The following CALN1 variants were observed in gnomAD, a reference collection of about 807,000 sequenced individuals.
CALN1 encodes the protein calcium-binding protein 8.
In CALN1, 17 loss-of-function variants were observed where a neutral mutation model predicts 30.6. The ratio of observed to expected loss-of-function variants is 0.56; its 90% CI spans 0.38 to 0.83. CALN1 has a LOEUF of 0.83. CALN1 is among the 40% of genes least tolerant of loss of function. The pLI is 0.00. For missense variants in CALN1, 291 were observed against 354.9 expected, an observed-to-expected ratio of 0.82 and a Z score of 1.45; for synonymous variants, 156 against 131.4, an observed-to-expected ratio of 1.19 and a Z score of -1.28.
chr7:72,417,765 G>A (rs1292085749), intron 1 of CALN1, among the ~76,000 whole-genome samples: 1 of 152,108 alleles, frequency 6.6e-6, no homozygotes, highest in African/African-American at 2.4e-5. Context: ...ATGGTTGTGG[G>A]AGCCTCATCA....
intron 2 of CALN1, among the ~76,000 whole-genome samples, chr7:72,401,809 C>G (rs535482142): frequency 1.3e-5 from 2 of 152,230 alleles, no homozygotes; most frequent in Admixed American, 1.3e-4. Context: ...GCAAATATCC[C>G]TTTCCTCCGT....
chr7:72,427,693 A>G (rs1807840963), intron 1 of CALN1, among the ~76,000 whole-genome samples: 1 of 151,128 alleles, frequency 6.6e-6, no homozygotes, highest in South Asian at 2.1e-4. Context: ...TTGTAGAGAC[A>G]GAGTCTTGAA....
chr7:71,944,361 G>A (rs1308542653), intron 5 of CALN1, among the ~76,000 whole-genome samples: 1 of 152,090 alleles, frequency 6.6e-6, no homozygotes, highest in African/African-American at 2.4e-5. Context: ...TTGGGAGGCT[G>A]AGGTGGGTGG....
intron 5 of CALN1, among the ~76,000 whole-genome samples, chr7:71,833,710 C>T (rs1789427939): frequency 6.6e-6 from 1 of 152,074 alleles, no homozygotes; most frequent in African/African-American, 2.4e-5. Context: ...TGGGACCAGA[C>T]TGGGTACCAT....
At chr7:71,801,089 T>C (rs1020375294) in intron 6 of CALN1, among the ~76,000 whole-genome samples, 7 of 152,178 alleles carry the variant, frequency 4.6e-5, no homozygotes, top group Non-Finnish European at 1.0e-4. Flanking sequence ...CTGTGTTAGT[T>C]TGCTGAGGAT....
Position 72,219,612 on chromosome 7 carries a change from T to C in CALN1, c.244+59074A>G, listed in dbSNP as rs17502912. Among the ~76,000 whole-genome samples the C allele has an allele frequency of 8.7e-3, 1,328 of 152,032 alleles. 8 individuals are homozygous for C. The highest frequency in any genetic ancestry group is 0.017 in the Middle Eastern group (5 of 294). ...TAGTACTCCTTGATACAATTTCCCA[T>C]TAAAATCCATGAAGATACACATGCG... On this transcript the variant is annotated intron_variant, in intron 3 of 6. Coordinates refer to ENST00000395275, the MANE Select transcript of CALN1 (RefSeq NM_031468.4).
chr7:71,823,184 CTCTT>C (rs980791146), intron 5 of CALN1, among the ~76,000 whole-genome samples: 2 of 145,028 alleles, frequency 1.4e-5, no homozygotes, highest in African/African-American at 2.6e-5. Context: ...CCGTCTCTCT[CTCTT>C]TTTTTTTTTT....
intron 1 of CALN1, among the ~76,000 whole-genome samples, chr7:72,405,652 G>A (rs1806644846): frequency 6.6e-6 from 1 of 151,986 alleles, no homozygotes; most frequent in African/African-American, 2.4e-5. Flanking sequence ...GAAACTCTTG[G>A]AGACTTCTCT....
chr7:72,366,031 T>C (rs1162506379), intron 2 of CALN1, among the ~76,000 whole-genome samples: 1 of 152,124 alleles, frequency 6.6e-6, no homozygotes, highest in Non-Finnish European at 1.5e-5. Flanking sequence ...AAGACATGTT[T>C]ATAAGGATGT....
intron 5 of CALN1, among the ~76,000 whole-genome samples, chr7:71,975,623 A>G (rs1337783426): frequency 6.6e-6 from 1 of 151,532 alleles, no homozygotes; most frequent in African/African-American, 2.4e-5. Flanking sequence ...TAGAGATAGG[A>G]TCTTGCTTTG....
intron 5 of CALN1, among the ~76,000 whole-genome samples, chr7:71,853,378 C>T (rs1790759533): frequency 6.6e-6 from 1 of 151,812 alleles, no homozygotes; most frequent in African/African-American, 2.4e-5. Flanking sequence ...TATATGTATA[C>T]ATTATGCAAT....
chr7:72,151,655 T>C (rs1052414136), intron 3 of CALN1, among the ~76,000 whole-genome samples: 1 of 152,146 alleles, frequency 6.6e-6, no homozygotes, highest in Non-Finnish European at 1.5e-5. Flanking sequence ...TGAATGTGCC[T>C]GCAAGACTAA....
chr7:72,407,338 G>A (rs1031264340), intron 1 of CALN1, among the ~76,000 whole-genome samples: 12 of 152,214 alleles, frequency 7.9e-5, no homozygotes, highest in African/African-American at 2.9e-4. Context: ...CTAGCCACCT[G>A]ATACGGTTTG....
chr7:72,339,232 G>A (rs191167256), intron 2 of CALN1, among the ~76,000 whole-genome samples: 50 of 152,208 alleles, frequency 3.3e-4, no homozygotes, highest in African/African-American at 1.2e-3. Flanking sequence ...GGACACATGG[G>A]TTGCTTCCAA....
At position 71,782,348 on chromosome 7, in the gene CALN1, G is replaced by A. The variant is rs1350754210; in HGVS notation, c.*5427C>T. 6.6e-6 allele frequency: 1 copy of A among 152,176 alleles called. No individual in the cohort carries two copies. The highest frequency in any genetic ancestry group is 1.9e-4 in the East Asian group (1 of 5,182). 9.4% of individuals were successfully genotyped at this position (152,176 alleles called of 1,614,324 possible). A position where few individuals can be genotyped will look rare whatever the true frequency, so the allele number is the denominator to read the frequency against. On this transcript the variant is annotated 3_prime_UTR_variant, in exon 7 of 7. Transcript: ENST00000395275. ...TCTCCTCTCTCTTGCTCCTGTTCTT[G>A]CTGTGTGACGTGCCTGCTCCCCCTT... is the stretch of plus-strand genomic sequence containing the variant.
intron 5 of CALN1, among the ~76,000 whole-genome samples, chr7:71,856,764 G>T (rs1283668227): frequency 1.3e-5 from 2 of 152,054 alleles, no homozygotes; most frequent in African/African-American, 2.4e-5. Context: ...AGACCAGGCT[G>T]GCCAATGTGG....
intron 2 of CALN1, among the ~76,000 whole-genome samples, chr7:72,339,431 C>T (rs1176587143): frequency 3.3e-5 from 5 of 152,148 alleles, no homozygotes; most frequent in Non-Finnish European, 7.3e-5. Context: ...CTCCCCTACC[C>T]CAGCATGAAA....
chr7:72,157,093 A>G (rs919683387), intron 3 of CALN1, among the ~76,000 whole-genome samples: 30 of 152,352 alleles, frequency 2.0e-4, no homozygotes, highest in Admixed American at 4.6e-4. Flanking sequence ...AGCAGAATGT[A>G]CAAACCAATC....
chr7:72,304,302 G>A (rs138570009), intron 2 of CALN1, among the ~76,000 whole-genome samples: 20 of 152,204 alleles, frequency 1.3e-4, no homozygotes, highest in African/African-American at 4.6e-4. Flanking sequence ...CAAAGGAGAG[G>A]ATGGAGAGAT....
Sources: gnomAD v4.1 joint callset for allele counts (sites outside exome capture counted in the v4.1 genomes callset) on GRCh38, gnomAD v4.1.1 for gene constraint, MANE v1.5 for transcripts, NCBI Gene and HGNC (gene_info 2026-07-23, HGNC 2026-07-21) for gene names.